IL1RAPL1: variants seen among roughly 807,000 people sequenced by gnomAD.
IL1RAPL1 encodes interleukin 1 receptor accessory protein like 1.
Under a neutral mutation model 48.4 loss-of-function variants are expected in IL1RAPL1, and 3 were observed. That is an observed-to-expected ratio of 0.06 (90% CI 0.03 to 0.16). The LOEUF (loss-of-function observed/expected upper bound fraction) is 0.16, where lower values mean the gene tolerates loss of function less well. Ranked by LOEUF, IL1RAPL1 falls within the 10% of genes least tolerant of loss-of-function variation. IL1RAPL1 has a pLI of 1.00. For synonymous variants in IL1RAPL1, 185 were observed against 187.7 expected (o/e 0.99, Z 0.12); for missense variants, 349 against 530.6 (o/e 0.66, Z 3.36).
At chrX:29,916,327 T>G in intron 6 of IL1RAPL1, among the ~76,000 whole-genome samples, 1 of 111,788 alleles carries the variant, frequency 8.9e-6, no homozygotes, top group Middle Eastern at 4.6e-3. Context: ...ATCGCCACAC[T>G]GACTTCCACA....
chrX:28,801,102 G>A (rs1275477348), intron 2 of IL1RAPL1, among the ~76,000 whole-genome samples: 10 of 109,728 alleles, frequency 9.1e-5, no homozygotes, highest in Non-Finnish European at 1.9e-4. Context: ...GGGTGGTCTC[G>A]AACTCCTGAC....
At chrX:29,563,054 AT>A (rs1289708880) in intron 5 of IL1RAPL1, among the ~76,000 whole-genome samples, 1 of 111,907 alleles carries the variant, frequency 8.9e-6, no homozygotes, top group Non-Finnish European at 1.9e-5. Context: ...AATTATTGTT[AT>A]TTGAATATTT....
chrX:29,353,073 T>C lies in IL1RAPL1; in HGVS notation c.363-43185T>C, dbSNP rs188333160. On this transcript the variant is annotated intron_variant, in intron 3 of 10. Coordinates refer to ENST00000378993, the MANE Select transcript of IL1RAPL1 (RefSeq NM_014271.4). The stretch of plus-strand genomic sequence containing the variant: ...TCAACACCTTGAAATAGTTAACTCC[T>C]GTGAGTGTAATAGGAAATTTACAAA... 3.8e-3 allele frequency among the ~76,000 whole-genome samples: 426 copies of C among 112,355 alleles called. 2 individuals are homozygous for C. The highest frequency in any genetic ancestry group is 9.2e-3 in the Middle Eastern group (2 of 218).
intron 1 of IL1RAPL1, among the ~76,000 whole-genome samples, chrX:28,768,751 CTCTCTATATA>C (rs1415298100): frequency 6.3e-5 from 4 of 63,362 alleles, no homozygotes; most frequent in East Asian, 5.2e-4. Context: ...CTCTCTCTCT[CTCTCTATATA>C]TATATATATA....
intron 5 of IL1RAPL1, among the ~76,000 whole-genome samples, chrX:29,463,457 G>C (rs967995740): frequency 2.7e-5 from 3 of 112,219 alleles, no homozygotes; most frequent in African/African-American, 9.7e-5. Flanking sequence ...CTATTGTATA[G>C]ATACTGAACT....
At chrX:29,884,973 C>G (rs1041372010) in intron 6 of IL1RAPL1, among the ~76,000 whole-genome samples, 2 of 111,660 alleles carry the variant, frequency 1.8e-5, no homozygotes, top group Non-Finnish European at 3.8e-5. Context: ...CCAAAGCTCT[C>G]TGTTTTACAT....
chrX:28,758,881 C>T (rs1936133745), intron 1 of IL1RAPL1, among the ~76,000 whole-genome samples: 2 of 111,759 alleles, frequency 1.8e-5, no homozygotes, highest in South Asian at 7.5e-4. Flanking sequence ...TGTAACCTGA[C>T]CTCTTTCTAT....
chrX:29,483,694 T>G (rs866205380), intron 5 of IL1RAPL1, among the ~76,000 whole-genome samples: 1,399 of 42,750 alleles, frequency 0.033, 34 homozygotes, highest in African/African-American at 0.084. Flanking sequence ...TAGTAGTAGT[T>G]TTTTTTTTTT....
intron 2 of IL1RAPL1, among the ~76,000 whole-genome samples, chrX:29,071,941 T>C (rs1569230781): frequency 8.9e-6 from 1 of 111,790 alleles, no homozygotes; most frequent in Non-Finnish European, 1.9e-5. Context: ...TATTTCATAG[T>C]TTTTCTATTT....
At chrX:29,253,037 A>G (rs1371072090) in intron 2 of IL1RAPL1, among the ~76,000 whole-genome samples, 1 of 111,204 alleles carries the variant, frequency 9.0e-6, no homozygotes, top group African/African-American at 3.3e-5. Context: ...TTTAAAAATA[A>G]TGTTCATTAT....
At chrX:28,761,811 A>G (rs1276657127) in intron 1 of IL1RAPL1, among the ~76,000 whole-genome samples, 1 of 112,337 alleles carries the variant, frequency 8.9e-6, no homozygotes, top group African/African-American at 3.2e-5. Flanking sequence ...ATAATTTAAA[A>G]TAGAAATTTT....
chrX:28,634,707 T>C (rs980444929), intron 1 of IL1RAPL1, among the ~76,000 whole-genome samples: 1 of 110,726 alleles, frequency 9.0e-6, no homozygotes, highest in Non-Finnish European at 1.9e-5. Flanking sequence ...CTTCTTTTGT[T>C]TTATTTTCCC....
Position 29,668,542 on chromosome X carries a change from C to T in IL1RAPL1, c.778+38C>T, listed in dbSNP as rs59704075. The T allele has an allele frequency of 0.019, 18,490 of 964,482 alleles. 883 individuals are homozygous for T. In the East Asian group the frequency reaches 0.25, roughly 13 times the overall value. The allele number at this position is 964,482 out of a possible 1,213,427, so 79.5% of individuals were successfully genotyped here. On this transcript the variant is annotated intron_variant, in intron 6 of 10. Transcript: ENST00000378993. ...TTAATTCTAGTTAATATGCTGCTCTCGTTACATTGTGACAGTTAATAAGCC... is the reference window on the plus strand; with the variant it reads ...TTAATTCTAGTTAATATGCTGCTCTTGTTACATTGTGACAGTTAATAAGCC...
At chrX:29,680,683 C>T (rs1286785186) in intron 6 of IL1RAPL1, among the ~76,000 whole-genome samples, 1 of 112,101 alleles carries the variant, frequency 8.9e-6, no homozygotes, top group Admixed American at 9.4e-5. Context: ...TAATCCATCT[C>T]ATTAATTTAG....
intron 5 of IL1RAPL1, among the ~76,000 whole-genome samples, chrX:29,521,451 T>A (rs1935502218): frequency 1.8e-5 from 2 of 112,188 alleles, no homozygotes. Flanking sequence ...TCTCTATTAG[T>A]ACCTCAGTCT....
chrX:29,068,918 T>C (rs1927505378), intron 2 of IL1RAPL1, among the ~76,000 whole-genome samples: 1 of 112,003 alleles, frequency 8.9e-6, no homozygotes, highest in Admixed American at 9.5e-5. Context: ...TATATTTCCA[T>C]TGTAATAGTC....
In IL1RAPL1 at chrX:28,665,130, T is replaced by C. The variant is rs1934862024; in HGVS notation, c.-25+77083T>C. Among the ~76,000 whole-genome samples the C allele has an allele frequency of 4.5e-5, 5 of 111,563 alleles. No individual in the cohort carries two copies. In the South Asian group the frequency reaches 1.1e-3, roughly 25 times the overall value. Reference sequence around the variant, plus strand: ...GTATCATTTTCTCACTGCACAAGTGTATACTACAAATGCAGTCTTGCGGCT... The same window carrying C: ...GTATCATTTTCTCACTGCACAAGTGCATACTACAAATGCAGTCTTGCGGCT... On this transcript the variant is annotated intron_variant, in intron 1 of 10. Coordinates refer to ENST00000378993, the MANE Select transcript of IL1RAPL1 (RefSeq NM_014271.4).
At chrX:28,868,908 G>T (rs73631616) in intron 2 of IL1RAPL1, among the ~76,000 whole-genome samples, 2,574 of 111,670 alleles carry the variant, frequency 0.023, 69 homozygotes, top group African/African-American at 0.079. Flanking sequence ...TTTTAGGCTT[G>T]TCTTAATTAT....
intron 6 of IL1RAPL1, among the ~76,000 whole-genome samples, chrX:29,802,787 GTGTGTATATATATATATATATA>G (rs1569172721): frequency 0.065 from 1,684 of 25,738 alleles, 239 homozygotes; most frequent in African/African-American, 0.22. Context: ...ATATATGTGT[GTGTGTATATATATATATATATA>G]TGTGTGTATA....
Sources: gnomAD v4.1 joint callset for allele counts (sites outside exome capture counted in the v4.1 genomes callset) on GRCh38, gnomAD v4.1.1 for gene constraint, MANE v1.5 for transcripts, NCBI Gene and HGNC (gene_info 2026-07-23, HGNC 2026-07-21) for gene names.